Variants in PSMG2 observed in about 807,000 individuals in gnomAD.
PSMG2 encodes proteasome assembly chaperone 2.
In PSMG2, 21 loss-of-function variants were observed where a neutral mutation model predicts 31.5. The observed-to-expected ratio is 0.67, with a 90% CI of 0.47 to 0.96. PSMG2 has a LOEUF of 0.96. Among genes scored for constraint, PSMG2 ranks in the 40% least tolerant of loss-of-function variants. PSMG2 has a pLI of 0.00. For missense variants in PSMG2, 318 were observed against 321.2 expected (o/e 0.99, Z 0.08); for synonymous variants, 120 against 110.4 (o/e 1.09, Z -0.54).
chr18:12,700,369 G>A (rs1208896569), upstream of PSMG2: 1 of 152,592 alleles, frequency 6.6e-6, no homozygotes, highest in Non-Finnish European at 1.5e-5. Flanking sequence ...ATTGTATTAT[G>A]AAGTCCATCC....
At position 12,672,634 on chromosome 18, in the gene PSMG2, G is replaced by A. The variant is rs1475523708; in HGVS notation, c.-37+13861G>A. On this transcript the variant is annotated intron_variant, in intron 1 of 6. Coordinates refer to the PSMG2 transcript ENST00000585331. ...CTCTGACCACAGAAAATCAGTGATCGACTGCAAGATCACAATTTATCAGTA... is the reference window on the plus strand; with the variant it reads ...CTCTGACCACAGAAAATCAGTGATCAACTGCAAGATCACAATTTATCAGTA... 9 of 980,858 alleles carry A rather than the reference G, an allele frequency of 9.2e-6. No individual in the cohort carries two copies. In the East Asian group the frequency reaches 7.9e-4, roughly 86 times the overall value. The allele number at this position is 980,858 out of a possible 1,614,324, so 60.8% of individuals were successfully genotyped here.
chr18:12,661,172 G>T (rs1435113702), intron 1 of PSMG2, among the ~76,000 whole-genome samples: 1 of 152,118 alleles, frequency 6.6e-6, no homozygotes, highest in Non-Finnish European at 1.5e-5. Flanking sequence ...GCTGGGCATG[G>T]TGGCAGGCAC....
chr18:12,704,696 G>T (rs368989312), intron 1 of PSMG2, among the ~76,000 whole-genome samples: 44 of 152,338 alleles, frequency 2.9e-4, no homozygotes, highest in African/African-American at 1.0e-3. Context: ...CAGTTAGAGG[G>T]CTATGTGGGG....
At chr18:12,695,618 TC>T (rs2039927784) in intron 1 of PSMG2, among the ~76,000 whole-genome samples, 1 of 152,112 alleles carries the variant, frequency 6.6e-6, no homozygotes, top group African/African-American at 2.4e-5. Context: ...CCTATGTTAT[TC>T]AGGTTGGTCT....
chr18:12,724,457 A>G (rs1190667209), intron 5 of PSMG2, 42 bp from the exon 6 acceptor site: 2 of 1,549,182 alleles, frequency 1.3e-6, no homozygotes, highest in African/African-American at 2.8e-5. Context: ...CAGCTCTTGT[A>G]CCCTATGAAA....
At chr18:12,706,950 A>G (rs2145133763) in intron 2 of PSMG2, among the ~76,000 whole-genome samples, 1 of 128,642 alleles carries the variant, frequency 7.8e-6, no homozygotes, top group African/African-American at 2.7e-5. Context: ...TCATACTTGT[A>G]TCTTTTTTTT....
At chr18:12,672,054 G>A (rs1419011815) in intron 1 of PSMG2, among the ~76,000 whole-genome samples, 2 of 150,846 alleles carry the variant, frequency 1.3e-5, no homozygotes, top group Non-Finnish European at 2.9e-5. Context: ...CCCTGACCTC[G>A]TGATCCACCC....
chr18:12,694,805 G>A (rs958373198), intron 1 of PSMG2, among the ~76,000 whole-genome samples: 1 of 151,278 alleles, frequency 6.6e-6, no homozygotes, highest in Admixed American at 6.6e-5. Flanking sequence ...TCCTCTTACC[G>A]GTTCACGCCA....
At chr18:12,724,677 C>A in intron 6 of PSMG2, 58 bp downstream of exon 6, 1 of 1,466,450 alleles carries the variant, frequency 6.8e-7, no homozygotes, top group Non-Finnish European at 9.1e-7. Context: ...TTAACTCGCA[C>A]TTTATATACT....
At chr18:12,671,446 TAA>T (rs1358704902) in intron 1 of PSMG2, among the ~76,000 whole-genome samples, 2 of 151,652 alleles carry the variant, frequency 1.3e-5, no homozygotes, top group Non-Finnish European at 2.9e-5. Context: ...TTTGAAAAAA[TAA>T]AAAACTTAAA....
intron 3 of PSMG2, among the ~76,000 whole-genome samples, chr18:12,717,841 G>A (rs547022156): frequency 1.4e-4 from 21 of 151,996 alleles, no homozygotes; most frequent in Non-Finnish European, 2.5e-4. Context: ...GACCAGATTC[G>A]GGTCACAAAT....
chr18:12,674,576 C>T (rs1329590879), intron 1 of PSMG2: 2 of 1,613,964 alleles, frequency 1.2e-6, no homozygotes, highest in South Asian at 2.2e-5. Flanking sequence ...TTTCTATACA[C>T]AAAATGTATT....
intron 1 of PSMG2, chr18:12,686,036 C>T (rs2039528711): frequency 2.5e-6 from 1 of 395,286 alleles, no homozygotes; most frequent in African/African-American, 2.0e-5. Context: ...GCTACATAAA[C>T]GTTGTTACAC....
At chr18:12,672,762 G>A in intron 1 of PSMG2, 1 of 976,370 alleles carries the variant, frequency 1.0e-6, no homozygotes, top group Non-Finnish European at 1.2e-6. Context: ...ACTTTCATAT[G>A]AGGTTATTAA....
chr18:12,702,156 G>A (rs1309567421), upstream of PSMG2, among the ~76,000 whole-genome samples: 2 of 152,186 alleles, frequency 1.3e-5, no homozygotes, highest in South Asian at 4.1e-4. Context: ...TCTTACAGCA[G>A]AATATAAACC....
chr18:12,700,892 A>AT, upstream of PSMG2: 2 of 1,338,780 alleles, frequency 1.5e-6, no homozygotes, highest in Non-Finnish European at 2.1e-6. Context: ...TCGGAACCTT[A>AT]TAAGTAGTGT....
Position 12,705,463 on chromosome 18 carries a change from C to T in PSMG2, c.58-1087C>T, listed in dbSNP as rs535971746. Among the ~76,000 whole-genome samples, 11 of 151,802 alleles carry T rather than the reference C, an allele frequency of 7.2e-5. No homozygotes were observed. The South Asian group carries it at 2.1e-3, about 29-fold the overall frequency. On this transcript the variant is annotated intron_variant, in intron 1 of 6. Coordinates refer to ENST00000317615, the MANE Select transcript of PSMG2 (RefSeq NM_020232.5). ...TTCCTGTGACCTAACCATGTGGAGA[C>T]GTCCATTAGGTTGTGGAGCTCCTAC...
chr18:12,690,438 G>A (rs953029373), intron 1 of PSMG2, among the ~76,000 whole-genome samples: 3 of 151,830 alleles, frequency 2.0e-5, no homozygotes, highest in Admixed American at 6.6e-5. Flanking sequence ...CAAAAAATAC[G>A]TGAACCTGAC....
intron 1 of PSMG2, 66 bp downstream of exon 1, chr18:12,703,230 C>T: frequency 6.6e-7 from 1 of 1,512,170 alleles, no homozygotes; most frequent in Non-Finnish European, 9.0e-7. Flanking sequence ...CACCCCGACG[C>T]GGGGTGTTTG....
Sources: allele counts gnomAD v4.1 joint callset (sites outside exome capture counted in the v4.1 genomes callset), GRCh38; gene constraint gnomAD v4.1.1; transcripts MANE v1.5; gene names NCBI Gene and HGNC (gene_info 2026-07-23, HGNC 2026-07-21).